CDC123: variants seen among roughly 807,000 people sequenced by gnomAD.
CDC123 encodes translation initiation factor eIF2 assembly protein.
CDC123 carries 37 observed loss-of-function variants against 54.4 expected under a neutral mutation model. The ratio of observed to expected loss-of-function variants is 0.68; its 90% CI spans 0.52 to 0.89. The LOEUF is 0.89. Among genes scored for constraint, CDC123 ranks in the 40% least tolerant of loss-of-function variants. The pLI is 0.00. For missense variants in CDC123, 361 were observed against 412.1 expected, an observed-to-expected ratio of 0.88 and a Z score of 1.07; for synonymous variants, 144 against 136.8, an observed-to-expected ratio of 1.05 and a Z score of -0.37.
rs1835962802 is a variant in CDC123, at chr10:12,235,183, CTTT to C, written c.565+62_565+64del. On this transcript the variant is annotated intron_variant, in intron 8 of 12. Coordinates refer to ENST00000281141, the MANE Select transcript of CDC123 (RefSeq NM_006023.3). ...AAAGTCATCTTTAAAAGAAAACAAG[CTTT>C]TGTTGGAAGTAAATTTCCAGTAATT... 109 of 1,428,186 alleles carry C rather than the reference CTTT, an allele frequency of 7.6e-5. 3 individuals carry two copies. Among genetic ancestry groups the C allele is most frequent in the South Asian group, 6.6e-4 (57 of 86,908 alleles). The allele number at this position is 1,428,186 out of a possible 1,614,324, so 88.5% of individuals were successfully genotyped here. A position where few individuals can be genotyped will look rare whatever the true frequency, so the allele number is the denominator to read the frequency against.
chr10:12,246,944 C>T (rs1388381364), intron 11 of CDC123: 1 of 149,820 alleles, frequency 6.7e-6, no homozygotes, highest in African/African-American at 2.5e-5. Context: ...CTCACCTCCC[C>T]CTCAGGACAC....
chr10:12,230,656 T>C (rs1371897770), intron 6 of CDC123, among the ~76,000 whole-genome samples: 1 of 151,840 alleles, frequency 6.6e-6, no homozygotes, highest in Non-Finnish European at 1.5e-5. Flanking sequence ...TTGTTGACTG[T>C]AGTCACCCTG....
At chr10:12,206,773 A>G (rs1020805863) in intron 2 of CDC123, among the ~76,000 whole-genome samples, 1 of 152,152 alleles carries the variant, frequency 6.6e-6, no homozygotes, top group Non-Finnish European at 1.5e-5. Flanking sequence ...CCTGGCCAAC[A>G]CGGTGAAACC....
chr10:12,249,562 CT>C lies in CDC123; in HGVS notation c.847-14del, dbSNP rs1564262168. On this transcript the variant is annotated intron_variant, in intron 11 of 12. Coordinates refer to ENST00000281141, the MANE Select transcript of CDC123 (RefSeq NM_006023.3). ...AAATAAATGATTGATATTCTTTCTCCTTTTTCTTCTTTGTACAGGATTCCCC... is the reference window on the plus strand; with the variant it reads ...AAATAAATGATTGATATTCTTTCTCCTTTTCTTCTTTGTACAGGATTCCCC... The C allele has an allele frequency of 6.2e-7, 1 of 1,600,594 alleles. No homozygotes were observed.
intron 2 of CDC123, among the ~76,000 whole-genome samples, chr10:12,208,322 G>A (rs1008726281): frequency 2.0e-5 from 3 of 152,140 alleles, no homozygotes; most frequent in Admixed American, 2.0e-4. Context: ...AGTTCTTTCA[G>A]CCTCTGATTC....
intron 6 of CDC123, among the ~76,000 whole-genome samples, chr10:12,219,345 G>T (rs1217577951): frequency 6.6e-6 from 1 of 151,994 alleles, no homozygotes; most frequent in Non-Finnish European, 1.5e-5. Context: ...TGTGTGTGTG[G>T]TGTGTGTCTG....
chr10:12,237,014 A>G, intron 8 of CDC123, 130 bp from the exon 9 acceptor site: 1 of 1,057,584 alleles, frequency 9.5e-7, no homozygotes, highest in Non-Finnish European at 1.3e-6. Context: ...GGTCGTGTGT[A>G]ATGCCGTACC....
intron 4 of CDC123, among the ~76,000 whole-genome samples, chr10:12,212,073 G>T (rs1835610227): frequency 6.6e-6 from 1 of 152,048 alleles, no homozygotes; most frequent in South Asian, 2.1e-4. Flanking sequence ...GGGTGACAGA[G>T]AGAGACTCCG....
rs141781080 is a variant in CDC123 at position 12,242,190 on chromosome 10, C to T, written c.717+3705C>T. Among the ~76,000 whole-genome samples, 129 of 152,326 alleles carry T rather than the reference C, an allele frequency of 8.5e-4. 1 individual carries two copies. The highest frequency in any genetic ancestry group is 3.0e-3 in the African/African-American group (126 of 41,574). On this transcript the variant is annotated intron_variant, in intron 10 of 12. Transcript: ENST00000281141. The stretch of plus-strand genomic sequence containing the variant: ...CGTGGCCTCTGTACGTGAGAGCCGT[C>T]GTTCTTGTTAAGTGGTCCGCTTTTC...
chr10:12,230,880 G>A (rs1835892643), intron 6 of CDC123, 68 bp from the exon 7 acceptor site: 2 of 1,402,168 alleles, frequency 1.4e-6, no homozygotes, highest in Non-Finnish European at 2.0e-6. Context: ...TTAAATATAT[G>A]TTAAGTGTGT....
chr10:12,196,334 GGTTC>G lies in CDC123; in HGVS notation c.74+17_74+20del. On this transcript the variant is annotated intron_variant, in intron 1 of 12. Coordinates refer to ENST00000281141, the MANE Select transcript of CDC123 (RefSeq NM_006023.3). ...ACCATCAAGAGGTGAGATGGGAGGG[GGTTC>G]GCCCGGTCGACCGGCAAAAGGGAAC... The G allele has an allele frequency of 1.3e-6, 2 of 1,596,584 alleles. No individual in the cohort carries two copies. The highest frequency in any genetic ancestry group is 2.3e-5 in the South Asian group (2 of 88,700).
At chr10:12,242,640 G>A (rs1197164748) in intron 10 of CDC123, among the ~76,000 whole-genome samples, 3 of 152,274 alleles carry the variant, frequency 2.0e-5, no homozygotes, top group African/African-American at 4.8e-5. Context: ...TGCTTGAGAT[G>A]TCACATGAAA....
chr10:12,210,459 T>A, intron 4 of CDC123, 137 bp downstream of exon 4: 1 of 1,079,268 alleles, frequency 9.3e-7, no homozygotes, highest in African/African-American at 1.6e-5. Flanking sequence ...TGGGCTGTCG[T>A]TTTTATTTTG....
At position 12,221,207 on chromosome 10, in the gene CDC123, A is replaced by T. The variant is rs1201444338; in HGVS notation, c.440+3740A>T. On this transcript the variant is annotated intron_variant, in intron 6 of 12. Coordinates refer to ENST00000281141, the MANE Select transcript of CDC123 (RefSeq NM_006023.3). ...CGAAAATAGCTTACACATGGGATTT[A>T]AAAAATACATTATTTAACGAGGAGC... is the stretch of plus-strand genomic sequence containing the variant. Among the ~76,000 whole-genome samples the T allele has an allele frequency of 2.6e-5, 4 of 152,168 alleles. No individual in the cohort carries two copies. The East Asian group carries it at 5.8e-4, about 22-fold the overall frequency.
chr10:12,226,585 C>T (rs908109906), intron 6 of CDC123, among the ~76,000 whole-genome samples: 9 of 150,332 alleles, frequency 6.0e-5, no homozygotes, highest in East Asian at 6.0e-4. Context: ...GACAGCGTCG[C>T]GGCTGGGCAG....
chr10:12,214,590 G>C (rs961683338), intron 4 of CDC123, among the ~76,000 whole-genome samples: 37 of 152,290 alleles, frequency 2.4e-4, no homozygotes, highest in Non-Finnish European at 2.6e-4. Flanking sequence ...TTAAGCTCTC[G>C]TTTTTATTCC....
intron 6 of CDC123, among the ~76,000 whole-genome samples, chr10:12,226,291 C>T (rs553448263): frequency 7.2e-5 from 11 of 152,072 alleles, no homozygotes; most frequent in East Asian, 1.9e-4. Context: ...TCCCAGACGG[C>T]GTGGCGGCTG....
chr10:12,234,123 T>G (rs967138905), intron 7 of CDC123, among the ~76,000 whole-genome samples: 31 of 152,316 alleles, frequency 2.0e-4, no homozygotes, highest in African/African-American at 7.0e-4. Context: ...GATGGAGTTT[T>G]GCTCTGTCGC....
Position 12,196,281 on chromosome 10 carries a change from C to T in CDC123, c.36C>T (p.Ser12=), listed in dbSNP as rs774171426. The change falls in exon 1 of 13, where the codon TCC becomes TCT. Residue 12 remains serine, a synonymous_variant. Coordinates refer to ENST00000281141, the MANE Select transcript of CDC123 (RefSeq NM_006023.3). ...AGCATGTGCTTCACTGCCAGTTCTC[C>T]GCGTGGTACCCGTTCTTCCGAGGCG... is the stretch of plus-strand genomic sequence containing the variant. ...KKEHVLHCQF[S]AWYPFFRGVT... is the part of the protein sequence containing the mutation. The T allele has an allele frequency of 3.7e-6, 6 of 1,613,882 alleles. No homozygotes were observed. The highest frequency in any genetic ancestry group is 5.1e-6 in the Non-Finnish European group (6 of 1,179,868).
Sources: gnomAD v4.1 joint callset for allele counts (sites outside exome capture counted in the v4.1 genomes callset) on GRCh38, gnomAD v4.1.1 for gene constraint, MANE v1.5 for transcripts, NCBI Gene and HGNC (gene_info 2026-07-23, HGNC 2026-07-21) for gene names.